GRIK4: variants seen among roughly 807,000 people sequenced by gnomAD.
The protein encoded by GRIK4 is glutamate receptor ionotropic, kainate 4.
Under a neutral mutation model 104.9 loss-of-function variants are expected in GRIK4, and 40 were observed. The observed-to-expected ratio is 0.38, with a 90% confidence interval of 0.30 to 0.50. The LOEUF is 0.50. Ranked by LOEUF, GRIK4 falls within the 20% of genes least tolerant of loss-of-function variation. The probability of loss-of-function intolerance (pLI) is 0.93; values close to 1 mark genes in which losing one functional copy is unlikely to be tolerated. For synonymous variants in GRIK4, 485 were observed against 524.9 expected (o/e 0.92, Z 1.04); for missense variants, 1,047 against 1,308.1 (o/e 0.80, Z 3.08).
rs74341621 is a variant in GRIK4 at position 120,857,363 on chromosome 11, T to C, written c.745-4596T>C. 7.4e-3 allele frequency among the ~76,000 whole-genome samples: 1,129 copies of C among 152,322 alleles called. 14 individuals are homozygous for C. The highest frequency in any genetic ancestry group is 0.026 in the African/African-American group (1,062 of 41,578). On this transcript the variant is annotated intron_variant, in intron 8 of 20. Coordinates refer to ENST00000527524, the MANE Select transcript of GRIK4 (RefSeq NM_014619.5). ...CCCTTCCACGTAGCTCTCAAGCCATTATCCGTGAAGCATTCCTTCATCTCA... is the reference window on the plus strand; with the variant it reads ...CCCTTCCACGTAGCTCTCAAGCCATCATCCGTGAAGCATTCCTTCATCTCA...
Position 120,875,207 on chromosome 11 carries a change from G to A in GRIK4, c.1128G>A (p.Leu376=). 1 of 1,613,618 alleles carries A rather than the reference G, an allele frequency of 6.2e-7. No individual in the cohort carries two copies. Among genetic ancestry groups the A allele is most frequent in the Non-Finnish European group, 8.5e-7 (1 of 1,179,510 alleles). The change falls in exon 11 of 21, where the codon TTG becomes TTA. Residue 376 remains leucine, a synonymous_variant. Transcript: ENST00000527524. ...AAGGCCAGAGGTCCAACTACGCTTT[G>A]AAAATCTTACAGTTCACAAGGAATG... ...NSKGQRSNYA[L]KILQFTRNGF...
At chr11:120,888,191 A>T (rs1955174760) in intron 11 of GRIK4, among the ~76,000 whole-genome samples, 1 of 152,156 alleles carries the variant, frequency 6.6e-6, no homozygotes, top group South Asian at 2.1e-4. Flanking sequence ...AAGGATAAGG[A>T]TTCGAATGTT....
chr11:120,866,647 T>G (rs1954422935), intron 9 of GRIK4, among the ~76,000 whole-genome samples: 1 of 151,812 alleles, frequency 6.6e-6, no homozygotes, highest in South Asian at 2.1e-4. Context: ...AGAACAAGAG[T>G]AAAGATGGGC....
chr11:120,586,493 A>G (rs1565561869), intron 1 of GRIK4, among the ~76,000 whole-genome samples: 1 of 152,150 alleles, frequency 6.6e-6, no homozygotes. Context: ...AGCCTGCTGT[A>G]AGGGAGTGCC....
chr11:120,973,003 C>T (rs1944500703), intron 19 of GRIK4, among the ~76,000 whole-genome samples: 1 of 152,106 alleles, frequency 6.6e-6, no homozygotes, highest in Non-Finnish European at 1.5e-5. Flanking sequence ...AGACCAGACA[C>T]CTATCCCCAC....
chr11:120,661,584 A>T (rs1451391700), intron 3 of GRIK4, among the ~76,000 whole-genome samples: 1 of 152,224 alleles, frequency 6.6e-6, no homozygotes, highest in African/African-American at 2.4e-5. Flanking sequence ...CTCCAATTGC[A>T]TTCAGGTCGG....
intron 2 of GRIK4, 118 bp from the exon 3 acceptor site, chr11:120,660,151 C>T (rs758820164): frequency 1.3e-4 from 75 of 599,182 alleles, no homozygotes; most frequent in South Asian, 3.2e-4. Flanking sequence ...TCTTTGAGCC[C>T]GGCATGTAAG....
At chr11:120,845,650 TACACAC>T (rs146137487) in intron 8 of GRIK4, among the ~76,000 whole-genome samples, 85 of 146,210 alleles carry the variant, frequency 5.8e-4, no homozygotes, top group African/African-American at 1.8e-3. Flanking sequence ...TGCACACTTC[TACACAC>T]ACACACACAC....
intron 1 of GRIK4, among the ~76,000 whole-genome samples, chr11:120,623,740 C>A (rs10790388): frequency 0.38 from 58,379 of 152,042 alleles, 11,542 homozygotes; most frequent in Admixed American, 0.5. Context: ...TAGGAAATTC[C>A]TTCCCATCAG....
At chr11:120,565,379 G>A (rs1176548089) in intron 1 of GRIK4, among the ~76,000 whole-genome samples, 1 of 152,226 alleles carries the variant, frequency 6.6e-6, no homozygotes, top group African/African-American at 2.4e-5. Context: ...CCTTTAATTA[G>A]CAGGAATGCG....
At chr11:120,804,349 A>G (rs1246573855) in intron 4 of GRIK4, among the ~76,000 whole-genome samples, 1 of 152,224 alleles carries the variant, frequency 6.6e-6, no homozygotes, top group Non-Finnish European at 1.5e-5. Flanking sequence ...CAAGAAAATC[A>G]GTACATCCAC....
chr11:120,824,023 A>G (rs930137563), intron 6 of GRIK4, among the ~76,000 whole-genome samples: 9 of 152,356 alleles, frequency 5.9e-5, no homozygotes, highest in Non-Finnish European at 1.3e-4. Flanking sequence ...ACACTCTTCC[A>G]TCTTCCTTAT....
At chr11:120,815,542 G>C (rs1952934262) in intron 5 of GRIK4, 67 bp downstream of exon 5, 1 of 942,068 alleles carries the variant, frequency 1.1e-6, no homozygotes, top group Non-Finnish European at 1.6e-6. Flanking sequence ...CAAAGATAGG[G>C]TTGATTCTCA....
intron 3 of GRIK4, among the ~76,000 whole-genome samples, chr11:120,687,517 C>G (rs527511711): frequency 1.3e-5 from 2 of 152,146 alleles, no homozygotes; most frequent in African/African-American, 4.8e-5. Context: ...ACCTGTGAAT[C>G]TGTTTCTATT....
rs1297929422 is a variant in GRIK4, at chr11:120,903,100, C to A, written c.1273-2190C>A. On this transcript the variant is annotated intron_variant, in intron 12 of 20. Transcript: ENST00000527524. The surrounding 1 kb of genome is among the most constrained non-coding windows in gnomAD (Gnocchi z 4.4). ...AAGTCCTTCTCAGAACGAGCTCAGCCCATCAGGATTTCAGTGCTTTCCTCT... is the reference window on the plus strand; with the variant it reads ...AAGTCCTTCTCAGAACGAGCTCAGCACATCAGGATTTCAGTGCTTTCCTCT... Among the ~76,000 whole-genome samples the A allele has an allele frequency of 6.6e-6, 1 of 152,088 alleles. No homozygotes were observed. The highest frequency in any genetic ancestry group is 2.4e-5 in the African/African-American group (1 of 41,388).
chr11:120,595,071 T>C (rs1948784598), intron 1 of GRIK4, among the ~76,000 whole-genome samples: 1 of 152,220 alleles, frequency 6.6e-6, no homozygotes, highest in African/African-American at 2.4e-5. Context: ...AAAGGGATAA[T>C]GAATGCCTTT....
chr11:120,777,112 C>T (rs935344701), intron 3 of GRIK4, among the ~76,000 whole-genome samples: 1 of 152,136 alleles, frequency 6.6e-6, no homozygotes, highest in East Asian at 1.9e-4. Context: ...TGCGAGTCTT[C>T]CCTCCCATTC....
At chr11:120,838,976 G>A (rs1265980169) in intron 8 of GRIK4, among the ~76,000 whole-genome samples, 3 of 151,976 alleles carry the variant, frequency 2.0e-5, no homozygotes, top group African/African-American at 4.8e-5. Flanking sequence ...TAGTAGAGAC[G>A]GCGTTTCACA....
At chr11:120,603,743 G>A (rs1024643371) in intron 1 of GRIK4, among the ~76,000 whole-genome samples, 1 of 152,132 alleles carries the variant, frequency 6.6e-6, no homozygotes, top group Non-Finnish European at 1.5e-5. Flanking sequence ...TTTTCATTTG[G>A]GGGGAAGGTT....
Sources: gnomAD v4.1 joint callset for allele counts (sites outside exome capture counted in the v4.1 genomes callset) on GRCh38, gnomAD v4.1.1 for gene constraint, Gnocchi (gnomAD v3.1) non-coding constraint, MANE v1.5 for transcripts, NCBI Gene and HGNC (gene_info 2026-07-23, HGNC 2026-07-21) for gene names.